Variants in RORA observed in about 807,000 individuals in gnomAD.
The protein encoded by RORA is nuclear receptor ROR-alpha.
Under a neutral mutation model 69.5 loss-of-function variants are expected in RORA, and 7 were observed. That is an observed-to-expected ratio of 0.10 (90% confidence interval 0.06 to 0.19). The LOEUF is 0.19. Among genes scored for constraint, RORA ranks in the 10% least tolerant of loss-of-function variants. RORA has a pLI of 1.00. For missense variants in RORA, 457 were observed against 663.0 expected (o/e 0.69, Z 3.41); for synonymous variants, 261 against 240.8 (o/e 1.08, Z -0.78).
intron 1 of RORA, among the ~76,000 whole-genome samples, chr15:61,225,118 A>G (rs2080134479): frequency 6.6e-6 from 1 of 152,216 alleles, no homozygotes; most frequent in Admixed American, 6.5e-5. Flanking sequence ...CATAACTATC[A>G]TCAAATGCCT....
chr15:61,142,068 T>C (rs1017794509), intron 1 of RORA, among the ~76,000 whole-genome samples: 3 of 152,194 alleles, frequency 2.0e-5, no homozygotes, highest in Non-Finnish European at 2.9e-5. Flanking sequence ...CCCTTTCACA[T>C]TTTGTCAGAG....
intron 1 of RORA, among the ~76,000 whole-genome samples, chr15:60,816,022 A>G (rs2072809387): frequency 7.0e-6 from 1 of 142,518 alleles, no homozygotes; most frequent in African/African-American, 2.5e-5. Context: ...GTATTTATAT[A>G]CTATATATAG....
At chr15:60,591,880 C>T (rs1279034946) in intron 2 of RORA, among the ~76,000 whole-genome samples, 2 of 151,922 alleles carry the variant, frequency 1.3e-5, no homozygotes, top group Admixed American at 6.6e-5. Context: ...AGGGGCAGGG[C>T]GCAAGGCCTG....
chr15:61,085,164 A>T lies in RORA; in HGVS notation c.166+143889T>A, dbSNP rs563554885. The stretch of plus-strand genomic sequence containing the variant: ...GAGAGGTTGCCCAGGGTAAGAAGAG[A>T]GCTCAAAGTCACAAACCCTTTCCTT... On this transcript the variant is annotated intron_variant, in intron 1 of 10. Coordinates refer to ENST00000335670, the MANE Select transcript of RORA (RefSeq NM_134261.3). Among the ~76,000 whole-genome samples the T allele has an allele frequency of 2.6e-4, 39 of 152,232 alleles. No homozygotes were observed. The South Asian group carries it at 7.9e-3, about 31-fold the overall frequency.
intron 1 of RORA, among the ~76,000 whole-genome samples, chr15:61,126,392 T>C (rs1308156493): frequency 6.6e-6 from 1 of 152,232 alleles, no homozygotes; most frequent in African/African-American, 2.4e-5. Flanking sequence ...TCTACTGTCT[T>C]AGCAATTTTC....
chr15:61,156,025 T>C (rs1207252912), intron 1 of RORA, among the ~76,000 whole-genome samples: 1 of 152,016 alleles, frequency 6.6e-6, no homozygotes, highest in East Asian at 1.9e-4. Flanking sequence ...AACCATTCAC[T>C]CTCCTTGCAC....
intron 2 of RORA, among the ~76,000 whole-genome samples, chr15:60,674,932 G>C (rs11629864): frequency 0.16 from 23,766 of 152,058 alleles, 1,923 homozygotes; most frequent in African/African-American, 0.18. Flanking sequence ...AGAACAGAAG[G>C]AAGCAGCAAT....
At chr15:60,506,022 T>C (rs866750875) in intron 5 of RORA, among the ~76,000 whole-genome samples, 5 of 152,366 alleles carry the variant, frequency 3.3e-5, no homozygotes, top group Middle Eastern at 3.4e-3. Context: ...GGATTATTCT[T>C]ATTCTTGAAA....
intron 1 of RORA, among the ~76,000 whole-genome samples, chr15:61,146,036 C>T (rs1377191981): frequency 2.0e-5 from 3 of 152,152 alleles, no homozygotes; most frequent in Non-Finnish European, 4.4e-5. Context: ...CAATATCCAA[C>T]GGAATTGTTT....
chr15:61,020,215 A>G (rs1314165497), intron 1 of RORA, among the ~76,000 whole-genome samples: 1 of 152,136 alleles, frequency 6.6e-6, no homozygotes, highest in African/African-American at 2.4e-5. Flanking sequence ...AGGACTCCAC[A>G]TTAAGTCAGC....
At chr15:60,987,739 GTGA>G (rs370408336) in intron 1 of RORA, among the ~76,000 whole-genome samples, 5 of 152,164 alleles carry the variant, frequency 3.3e-5, no homozygotes, top group African/African-American at 1.2e-4. Flanking sequence ...CCCTTGCTTT[GTGA>G]TAAGTACTGG....
chr15:60,707,382 G>C (rs973687040), intron 1 of RORA, among the ~76,000 whole-genome samples: 1 of 96,620 alleles, frequency 1.0e-5, no homozygotes, highest in South Asian at 3.6e-4. Flanking sequence ...TTATTTATTT[G>C]AGATGGAGTC....
At chr15:60,972,161 G>A (rs1271116151) in intron 1 of RORA, among the ~76,000 whole-genome samples, 1 of 152,224 alleles carries the variant, frequency 6.6e-6, no homozygotes, top group Non-Finnish European at 1.5e-5. Flanking sequence ...CAGCCAGTCA[G>A]ATCAATTGAA....
chr15:60,670,201 C>CTTTTTTTTTTTTTTTTTTTTTT (rs60799050), intron 2 of RORA, among the ~76,000 whole-genome samples: 1 of 126,108 alleles, frequency 7.9e-6, no homozygotes, highest in African/African-American at 3.3e-5. Flanking sequence ...TATCCTACCT[C>CTTTTTTTTTTTTTTTTTTTTTT]TTTTTTTTTT....
intron 1 of RORA, among the ~76,000 whole-genome samples, chr15:60,714,888 G>C (rs2071199631): frequency 6.6e-6 from 1 of 152,138 alleles, no homozygotes; most frequent in South Asian, 2.1e-4. Context: ...GAGGCTGTAT[G>C]AGGCCCTCTT....
At chr15:60,709,509 G>A (rs752703313) in intron 1 of RORA, among the ~76,000 whole-genome samples, 1 of 152,058 alleles carries the variant, frequency 6.6e-6, no homozygotes, top group Non-Finnish European at 1.5e-5. Context: ...GAGGTGAGCC[G>A]AGGGTGAACC....
chr15:60,602,719 G>A (rs972234243), intron 2 of RORA, among the ~76,000 whole-genome samples: 3 of 152,124 alleles, frequency 2.0e-5, no homozygotes, highest in African/African-American at 4.8e-5. Context: ...TGATGTCACC[G>A]TGTCAAACTA....
At chr15:61,217,937 A>G (rs908351029) in intron 1 of RORA, among the ~76,000 whole-genome samples, 1 of 152,108 alleles carries the variant, frequency 6.6e-6, no homozygotes, top group Admixed American at 6.6e-5. Context: ...ATAATGAGTA[A>G]CACCTGGAGC....
chr15:60,549,637 T>G (rs539491666), intron 2 of RORA, among the ~76,000 whole-genome samples: 1 of 152,300 alleles, frequency 6.6e-6, no homozygotes, highest in South Asian at 2.1e-4. Context: ...GATAGGTATG[T>G]GTGTGTGGGA....
Sources: gnomAD v4.1 joint callset for allele counts (sites outside exome capture counted in the v4.1 genomes callset) on GRCh38, gnomAD v4.1.1 for gene constraint, MANE v1.5 for transcripts, NCBI Gene and HGNC (gene_info 2026-07-23, HGNC 2026-07-21) for gene names.